Variants in RNFT1 observed in about 807,000 individuals in gnomAD.
RNFT1 encodes the protein E3 ubiquitin-protein ligase RNFT1.
In RNFT1, 35 loss-of-function variants were observed where a neutral mutation model predicts 53.2. The observed-to-expected ratio is 0.66, with a 90% CI of 0.50 to 0.87. The LOEUF is 0.87. Ranked by LOEUF, RNFT1 falls within the 40% of genes least tolerant of loss-of-function variation. The pLI, the probability that RNFT1 is intolerant of heterozygous loss-of-function variation, is 0.00. For missense variants in RNFT1, 421 were observed against 515.0 expected (o/e 0.82, Z 1.77); for synonymous variants, 141 against 172.8 (o/e 0.82, Z 1.44).
In RNFT1 at chr17:59,962,527, T is replaced by G. The variant is rs764291863; in HGVS notation, c.591+13A>C. 5.2e-6 allele frequency: 8 copies of G among 1,546,064 alleles called. No homozygotes were observed. In the East Asian group the frequency reaches 1.6e-4, roughly 30 times the overall value. On this transcript the variant is annotated intron_variant, in intron 3 of 8. Coordinates refer to ENST00000305783, the MANE Select transcript of RNFT1 (RefSeq NM_016125.4). ...AAACAGTTAATAATTTTTTAGTTGC[T>G]TGTTATACTTACTCTTAGAAAAACC...
intron 7 of RNFT1, among the ~76,000 whole-genome samples, chr17:59,954,619 A>G (rs766732641): frequency 1.3e-5 from 2 of 152,198 alleles, no homozygotes; most frequent in African/African-American, 2.4e-5. Flanking sequence ...CACAATATCA[A>G]TTCACTAGGA....
chr17:59,955,883 G>A (rs2145115320), intron 7 of RNFT1, among the ~76,000 whole-genome samples: 1 of 152,238 alleles, frequency 6.6e-6, no homozygotes, highest in Middle Eastern at 3.4e-3. Flanking sequence ...GTAAATTAGG[G>A]TTCTCTATGA....
chr17:59,964,625 G>T lies in RNFT1; in HGVS notation c.39C>A (p.Ser13=). 3 of 1,607,660 alleles carry T rather than the reference G, an allele frequency of 1.9e-6. No individual in the cohort carries two copies. Among genetic ancestry groups the T allele is most frequent in the Non-Finnish European group, 2.5e-6 (3 of 1,177,236 alleles). Reference sequence around the variant, plus strand: ...GGCCTAACCTCTCATGACCAGAAGCGGACGGAGGTGTCGGGAGCGACAGCA... The same window carrying T: ...GGCCTAACCTCTCATGACCAGAAGCTGACGGAGGTGTCGGGAGCGACAGCA... ...LFLLSLPTPP[S]ASGHERRQRP... is the part of the protein sequence containing the mutation. Residue 13 remains serine, a synonymous_variant, in exon 1 of 9, where the codon TCC becomes TCA. Coordinates refer to ENST00000305783, the MANE Select transcript of RNFT1 (RefSeq NM_016125.4).
chr17:59,954,091 GAACA>G lies in RNFT1; in HGVS notation c.1123_1126del (p.Cys375GlnfsTer24). 1 of 1,601,146 alleles carries G rather than the reference GAACA, an allele frequency of 6.2e-7. No individual in the cohort carries two copies. Among genetic ancestry groups the G allele is most frequent in the Non-Finnish European group, 8.5e-7 (1 of 1,176,080 alleles). ...CTTCTGAAATTCAGCTTGACATATT[GAACA>G]AATATCATCCACATCTGAACACTGT... On this transcript the variant is annotated frameshift_variant, in exon 8 of 9. Coordinates refer to ENST00000305783, the MANE Select transcript of RNFT1 (RefSeq NM_016125.4). LOFTEE classifies it high-confidence loss of function.
intron 3 of RNFT1, 133 bp from the exon 4 acceptor site, chr17:59,960,301 C>T: frequency 1.1e-6 from 1 of 927,524 alleles, no homozygotes; most frequent in Non-Finnish European, 1.5e-6. Flanking sequence ...TTAAACTGTA[C>T]ATAATCATCA....
At position 59,956,467 on chromosome 17, in the gene RNFT1, T is replaced by C. The variant is rs777825144; in HGVS notation, c.1071+21A>G. 18 of 1,586,126 alleles carry C rather than the reference T, an allele frequency of 1.1e-5. No homozygotes were observed. In the Middle Eastern group the frequency reaches 5.0e-4, roughly 44 times the overall value. ...TGAAGAAAGGTGAAGGTGTTTTTCT[T>C]AACTGATAAAAAGTACTTACTGGTT... On this transcript the variant is annotated intron_variant, in intron 7 of 8. Coordinates refer to ENST00000305783, the MANE Select transcript of RNFT1 (RefSeq NM_016125.4).
rs766253181 is a variant in RNFT1, at chr17:59,958,408, G to C, written c.729C>G (p.Ser243Arg). 62 of 1,594,114 alleles carry C rather than the reference G, an allele frequency of 3.9e-5. No homozygotes were observed. The highest frequency in any genetic ancestry group is 4.9e-5 in the Non-Finnish European group (58 of 1,175,172). Residue 243 changes from serine to arginine, a missense_variant, in exon 5 of 9, where the codon AGC becomes AGG. Coordinates refer to ENST00000305783, the MANE Select transcript of RNFT1 (RefSeq NM_016125.4). ...IFLNPTLDHL[S>R]FWEVFWIVGI... is the part of the protein sequence containing the mutation. The stretch of plus-strand genomic sequence containing the variant: ...CAACAATCCAAAATACTTCCCAGAA[G>C]CTCAAATGGTCCAAAGTAGGATTTA...
At chr17:59,958,523 A>G in intron 4 of RNFT1, 79 bp from the exon 5 acceptor site, 3 of 1,146,494 alleles carry the variant, frequency 2.6e-6, no homozygotes, top group Non-Finnish European at 3.8e-6. Context: ...AATTTGCTAC[A>G]AATATTTTAT....
At chr17:59,961,671 G>A (rs1313937562) in intron 3 of RNFT1, among the ~76,000 whole-genome samples, 1 of 151,834 alleles carries the variant, frequency 6.6e-6, no homozygotes, top group Non-Finnish European at 1.5e-5. Context: ...CTGCCTCCCG[G>A]GTTCAAGCAA....
At chr17:59,964,584 C>A in intron 1 of RNFT1, 24 bp downstream of exon 1, 1 of 1,578,854 alleles carries the variant, frequency 6.3e-7, no homozygotes, top group Middle Eastern at 1.7e-4. Context: ...GCCTCCTCCT[C>A]TGCCCGCTTC....
At position 59,960,131 on chromosome 17, in the gene RNFT1, A is replaced by G; in HGVS notation, c.629T>C (p.Val210Ala). The change falls in exon 4 of 9, where the codon GTA (valine) becomes GCA (alanine). Residue 210 changes from valine to alanine, a missense_variant. Physicochemically the swap from Val to Ala is moderately conservative, Grantham distance 64. Transcript: ENST00000305783. ...SSKIQCAWLL[V>A]FLAGSSVLLY... ...AAGAACAGAAGATCCTGCTAAGAAT[A>G]CCAGTAACCAAGCACACTGAATCTT... 1 of 1,610,104 alleles carries G rather than the reference A, an allele frequency of 6.2e-7. No individual in the cohort carries two copies. Among genetic ancestry groups the G allele is most frequent in the East Asian group, 2.2e-5 (1 of 44,700 alleles).
chr17:59,953,793 GC>G (rs1234945681), intron 8 of RNFT1, among the ~76,000 whole-genome samples: 1 of 152,102 alleles, frequency 6.6e-6, no homozygotes, highest in African/African-American at 2.4e-5. Flanking sequence ...TTATAAAATA[GC>G]CTGTTTTTTA....
intron 7 of RNFT1, among the ~76,000 whole-genome samples, chr17:59,955,646 GT>G (rs2045249244): frequency 6.6e-6 from 1 of 152,180 alleles, no homozygotes; most frequent in Non-Finnish European, 1.5e-5. Flanking sequence ...ATGTAGCAAA[GT>G]TTGTTTCTAC....
intron 3 of RNFT1, among the ~76,000 whole-genome samples, chr17:59,961,942 G>A (rs1254769394): frequency 2.2e-5 from 3 of 137,752 alleles, no homozygotes; most frequent in Non-Finnish European, 4.5e-5. Flanking sequence ...CTGGAGTGCA[G>A]TGGTGCGATC....
rs2045304506 is a variant in RNFT1, at chr17:59,962,834, A to G, written c.507T>C (p.His169=). ...LILSVKLVMQ[H]ITGISLGIGL... The stretch of plus-strand genomic sequence containing the variant: ...TGTTTTATTATGTCCTACCTGTTAT[A>G]TGCTGCATAACAAGTTTGACGCTCA... Residue 169 remains histidine, a synonymous_variant, in exon 2 of 9, where the codon CAT becomes CAC. Transcript: ENST00000305783. 6.2e-7 allele frequency: 1 copy of G among 1,609,674 alleles called. No individual in the cohort carries two copies. Among genetic ancestry groups the G allele is most frequent in the Admixed American group, 1.7e-5 (1 of 59,962 alleles).
chr17:59,962,756 G>T (rs2045303859), intron 2 of RNFT1, 71 bp downstream of exon 2: 1 of 1,423,834 alleles, frequency 7.0e-7, no homozygotes, highest in African/African-American at 1.4e-5. Flanking sequence ...GCATTAAGTA[G>T]ATTACCAATA....
intron 1 of RNFT1, among the ~76,000 whole-genome samples, chr17:59,963,586 T>C (rs2045311687): frequency 6.6e-6 from 1 of 152,110 alleles, no homozygotes; most frequent in East Asian, 1.9e-4. Context: ...ACCCAGCAGA[T>C]GTTAATGAGC....
chr17:59,963,232 C>T lies in RNFT1; in HGVS notation c.109G>A (p.Ala37Thr). The T allele has an allele frequency of 1.9e-6, 3 of 1,613,606 alleles. No homozygotes were observed. The highest frequency in any genetic ancestry group is 1.1e-5 in the South Asian group (1 of 91,072). The change falls in exon 2 of 9, where the codon GCC (alanine) becomes ACC (threonine). Residue 37 changes from alanine to threonine, a missense_variant. Ala to Thr is a moderately conservative substitution (Grantham distance 58). Transcript: ENST00000305783. ...AGTTGGCTACGATTGGCTTGCATGG[C>T]CCTTAAATACTTTTTCTCTGACCCA... ...TSGSEKKYLR[A>T]MQANRSQLHS... is the part of the protein sequence containing the mutation.
At position 59,962,873 on chromosome 17, in the gene RNFT1, T is replaced by C. The variant is rs768674174; in HGVS notation, c.468A>G (p.Pro156=). 8 of 1,613,758 alleles carry C rather than the reference T, an allele frequency of 5.0e-6. No individual in the cohort carries two copies. Residue 156 remains proline, a synonymous_variant, in exon 2 of 9, where the codon CCA becomes CCG. Coordinates refer to ENST00000305783, the MANE Select transcript of RNFT1 (RefSeq NM_016125.4). ...YLFKWLQKSL[P]YILILSVKLV... is the part of the protein sequence containing the mutation. ...GTTTGACGCTCAGAATCAAAATATA[T>C]GGAAGACTTTTTTGCAGCCACTTGA...
Sources: gnomAD v4.1 joint callset for allele counts (sites outside exome capture counted in the v4.1 genomes callset) on GRCh38, gnomAD v4.1.1 for gene constraint, MANE v1.5 for transcripts, NCBI Gene and HGNC (gene_info 2026-07-23, HGNC 2026-07-21) for gene names.